The following ESRRB variants were observed in gnomAD, a reference collection of about 807,000 sequenced individuals.
The protein encoded by ESRRB is estrogen related receptor beta, also known as steroid hormone receptor ERR2.
ESRRB carries 16 observed loss-of-function variants against 46.0 expected under a neutral mutation model. That is an observed-to-expected ratio of 0.35 (90% CI 0.24 to 0.53). The LOEUF (loss-of-function observed/expected upper bound fraction) is 0.53, where lower values mean the gene tolerates loss of function less well. Ranked by LOEUF, ESRRB falls within the 20% of genes least tolerant of loss-of-function variation. The probability of loss-of-function intolerance (pLI) is 0.93; values close to 1 mark genes in which losing one functional copy is unlikely to be tolerated. For synonymous variants in ESRRB, 246 were observed against 259.6 expected, an observed-to-expected ratio of 0.95 and a Z score of 0.50; for missense variants, 488 against 607.4, an observed-to-expected ratio of 0.80 and a Z score of 2.07.
intron 1 of ESRRB, among the ~76,000 whole-genome samples, chr14:76,361,985 C>T (rs774217576): frequency 6.6e-6 from 1 of 152,150 alleles, no homozygotes; most frequent in Admixed American, 6.5e-5. Context: ...AGGTCAGCCA[C>T]GGGTTAATGC....
intron 1 of ESRRB, among the ~76,000 whole-genome samples, chr14:76,325,164 C>T (rs1420383922): frequency 6.6e-6 from 1 of 151,974 alleles, no homozygotes; most frequent in Non-Finnish European, 1.5e-5. Context: ...AGGGTTTCAC[C>T]ATGTTGGTGG....
At chr14:76,319,006 C>A (rs1736528745) in intron 1 of ESRRB, among the ~76,000 whole-genome samples, 1 of 152,210 alleles carries the variant, frequency 6.6e-6, no homozygotes, top group African/African-American at 2.4e-5. Context: ...ATCCGATGAC[C>A]AAGTGAGCAT....
intron 3 of ESRRB, among the ~76,000 whole-genome samples, chr14:76,480,415 C>T (rs1264929826): frequency 2.6e-5 from 4 of 152,140 alleles, no homozygotes; most frequent in Admixed American, 1.3e-4. Flanking sequence ...TCCCAAAGTT[C>T]CTTTAGGGCA....
rs143266291 is a variant in ESRRB at position 76,431,123 on chromosome 14, C to A, written c.51-8218C>A. ...CCAGCCTACCCAACATGGTGAAACC[C>A]GTCTTTACTAAAAATACAAAAATTA... On this transcript the variant is annotated intron_variant, in intron 1 of 6. Transcript: ENST00000644823. 2.6e-5 allele frequency among the ~76,000 whole-genome samples: 4 copies of A among 152,270 alleles called. No individual in the cohort carries two copies. In the South Asian group the frequency reaches 6.2e-4, roughly 24 times the overall value.
chr14:76,455,278 C>T (rs1268254944), intron 2 of ESRRB, among the ~76,000 whole-genome samples: 1 of 152,082 alleles, frequency 6.6e-6, no homozygotes, highest in Non-Finnish European at 1.5e-5. Context: ...TACCCATTCT[C>T]CTCCCACTCT....
chr14:76,369,054 G>T (rs1367457357), upstream of ESRRB, among the ~76,000 whole-genome samples: 1 of 151,740 alleles, frequency 6.6e-6, no homozygotes, highest in Non-Finnish European at 1.5e-5. Context: ...AAAATTAGCT[G>T]GGTGCGGTGG....
chr14:76,456,036 T>TCACACA (rs1436927832), intron 2 of ESRRB, among the ~76,000 whole-genome samples: 5 of 93,072 alleles, frequency 5.4e-5, no homozygotes, highest in African/African-American at 2.8e-4. Flanking sequence ...AGAGCGAAAC[T>TCACACA]CGCACACACA....
chr14:76,382,880 A>T (rs1186943160), intron 1 of ESRRB, among the ~76,000 whole-genome samples: 2 of 152,168 alleles, frequency 1.3e-5, no homozygotes, highest in African/African-American at 4.8e-5. Context: ...TTAGGACTTT[A>T]AAATACTCTA....
At chr14:76,343,651 CG>C (rs1305625866) in intron 1 of ESRRB, among the ~76,000 whole-genome samples, 3 of 152,200 alleles carry the variant, frequency 2.0e-5, no homozygotes, top group African/African-American at 7.2e-5. Context: ...GGCCCCTCCA[CG>C]GGGCTGCTTG....
chr14:76,325,090 G>A (rs1883913756), intron 1 of ESRRB, among the ~76,000 whole-genome samples: 2 of 147,806 alleles, frequency 1.4e-5, no homozygotes, highest in East Asian at 2.0e-4. Flanking sequence ...TCAGCCTCCC[G>A]AGTAGCTGGG....
intron 3 of ESRRB, among the ~76,000 whole-genome samples, chr14:76,474,438 C>T (rs545561349): frequency 6.6e-6 from 1 of 152,148 alleles, no homozygotes; most frequent in Non-Finnish European, 1.5e-5. Context: ...AGTTTGATAG[C>T]GTTTTGTATT....
chr14:76,380,294 T>C (rs1010400994), intron 1 of ESRRB, among the ~76,000 whole-genome samples: 3 of 152,066 alleles, frequency 2.0e-5, no homozygotes, highest in Non-Finnish European at 4.4e-5. Flanking sequence ...AGCATGTACA[T>C]TGGGGAGGGC....
intron 1 of ESRRB, among the ~76,000 whole-genome samples, chr14:76,387,438 G>T (rs1304945186): frequency 6.6e-6 from 1 of 152,194 alleles, no homozygotes; most frequent in African/African-American, 2.4e-5. Context: ...AATCCCAGGG[G>T]GTGAGCCTTC....
chr14:76,375,750 T>G (rs552824348), upstream of ESRRB, among the ~76,000 whole-genome samples: 1 of 152,316 alleles, frequency 6.6e-6, no homozygotes, highest in South Asian at 2.1e-4. Context: ...ATTTTTAATT[T>G]GGAAAACAGA....
In ESRRB at chr14:76,439,506, C is replaced by G. The variant is rs1245304505; in HGVS notation, c.216C>G (p.Thr72=). Residue 72 remains threonine, a synonymous_variant, in exon 2 of 7, where the codon ACC becomes ACG. Transcript: ENST00000644823. ...GCGGCTTTGGCCTGGCCCTGGGCAC[C>G]CACGCCAACGGTCTGGACTCGCCAC... The part of the protein sequence containing the change: ...ASGGFGLALG[T]HANGLDSPPM... 6.2e-6 allele frequency: 10 copies of G among 1,612,864 alleles called. No homozygotes were observed. Among genetic ancestry groups the G allele is most frequent in the Non-Finnish European group, 8.5e-6 (10 of 1,179,940 alleles).
intron 1 of ESRRB, among the ~76,000 whole-genome samples, chr14:76,414,760 C>A (rs1886625678): frequency 6.6e-6 from 1 of 151,100 alleles, no homozygotes; most frequent in African/African-American, 2.4e-5. Context: ...ACTCTGTAAC[C>A]CTCTCCTCCT....
chr14:76,427,567 GGATGGAT>G (rs1887258537), intron 1 of ESRRB, among the ~76,000 whole-genome samples: 1 of 152,158 alleles, frequency 6.6e-6, no homozygotes. Context: ...GAAGATGCAT[GGATGGAT>G]GAATGACAGA....
At chr14:76,483,573 T>C (rs943521055) in intron 5 of ESRRB, among the ~76,000 whole-genome samples, 1 of 152,222 alleles carries the variant, frequency 6.6e-6, no homozygotes, top group African/African-American at 2.4e-5. Context: ...GGAGCTTTTT[T>C]ATTTTTGTAG....
intron 3 of ESRRB, among the ~76,000 whole-genome samples, chr14:76,476,069 G>GT (rs79346463): frequency 4.2e-4 from 61 of 146,526 alleles, no homozygotes; most frequent in South Asian, 6.5e-4. Context: ...AGTGAAGTGG[G>GT]TTTTTTTTTT....
Sources: gnomAD v4.1 joint callset for allele counts (sites outside exome capture counted in the v4.1 genomes callset) on GRCh38, gnomAD v4.1.1 for gene constraint, MANE v1.5 for transcripts, NCBI Gene and HGNC (gene_info 2026-07-23, HGNC 2026-07-21) for gene names.